Variants in TAF2 observed in about 807,000 individuals in gnomAD.
TAF2 encodes the protein TATA-box binding protein associated factor 2.
A neutral mutation model predicts 138.5 loss-of-function variants in TAF2; 61 were observed. The ratio of observed to expected loss-of-function variants is 0.44; its 90% CI spans 0.36 to 0.54. The LOEUF (loss-of-function observed/expected upper bound fraction) is 0.54. TAF2 is among the 20% of genes least tolerant of loss of function. The pLI is 0.00. For missense variants in TAF2, 1,090 were observed against 1,427.9 expected (o/e 0.76, Z 3.81); for synonymous variants, 475 against 469.9 (o/e 1.01, Z -0.14).
At chr8:119,744,784 G>T (rs1819842214) in intron 23 of TAF2, 1 of 403,456 alleles carries the variant, frequency 2.5e-6, no homozygotes, top group African/African-American at 2.1e-5. Flanking sequence ...TGTTGCGTGT[G>T]TTCCTGCTAA....
At chr8:119,780,603 T>C (rs1287678365) in intron 17 of TAF2, among the ~76,000 whole-genome samples, 1 of 152,012 alleles carries the variant, frequency 6.6e-6, no homozygotes, top group Non-Finnish European at 1.5e-5. Context: ...GATCACAAAA[T>C]CAATAATCAC....
chr8:119,775,430 T>C (rs1275744531), intron 18 of TAF2, among the ~76,000 whole-genome samples: 1 of 151,756 alleles, frequency 6.6e-6, no homozygotes, highest in African/African-American at 2.4e-5. Context: ...CAGCTGGGCA[T>C]GGTGGCTCAC....
At chr8:119,790,750 G>C (rs1322969469) in intron 11 of TAF2, among the ~76,000 whole-genome samples, 2 of 152,000 alleles carry the variant, frequency 1.3e-5, no homozygotes, top group African/African-American at 4.8e-5. Flanking sequence ...ATACAATGCA[G>C]AACACAAATT....
At chr8:119,750,542 C>T (rs1820277663) in intron 22 of TAF2, among the ~76,000 whole-genome samples, 1 of 152,154 alleles carries the variant, frequency 6.6e-6, no homozygotes. Context: ...TTCTGTCCAT[C>T]TTACAATAAA....
At chr8:119,763,945 T>C (rs1821246526) in intron 18 of TAF2, among the ~76,000 whole-genome samples, 1 of 151,812 alleles carries the variant, frequency 6.6e-6, no homozygotes, top group African/African-American at 2.4e-5. Context: ...GGTCAGGAGT[T>C]TGAGACCACC....
At chr8:119,733,778 C>CCA (rs1554635043) in intron 25 of TAF2, among the ~76,000 whole-genome samples, 3 of 143,124 alleles carry the variant, frequency 2.1e-5, no homozygotes, top group African/African-American at 7.5e-5. Flanking sequence ...TCTCTTAAAT[C>CCA]CGCCCCCCCC....
At chr8:119,732,349 C>A (rs1046394317) in intron 25 of TAF2, among the ~76,000 whole-genome samples, 163 bp from the exon 26 acceptor site, 6 of 152,168 alleles carry the variant, frequency 3.9e-5, no homozygotes, top group Non-Finnish European at 8.8e-5. Context: ...ATTAGTTACA[C>A]ACAGAGTTTT....
At chr8:119,780,994 G>A (rs1822609985) in intron 17 of TAF2, 59 bp downstream of exon 17, 1 of 1,461,528 alleles carries the variant, frequency 6.8e-7, no homozygotes, top group Non-Finnish European at 9.4e-7. Context: ...TATTTGAACA[G>A]TCTCCAACTT....
At chr8:119,819,239 C>T (rs1486001876) in intron 3 of TAF2, 107 bp downstream of exon 3, 5 of 1,137,608 alleles carry the variant, frequency 4.4e-6, no homozygotes, top group Non-Finnish European at 6.4e-6. Flanking sequence ...GGATTCAAAG[C>T]CCATTAACGA....
chr8:119,793,481 A>G lies in TAF2; in HGVS notation c.1192-30T>C, dbSNP rs201093965. 315 of 1,545,692 alleles carry G rather than the reference A, an allele frequency of 2.0e-4. 1 individual carries two copies. The African/African-American group carries it at 3.7e-3, about 18-fold the overall frequency. ...AAAATATATAAAAATAGGAGTCAGT[A>G]AAATTTGTAAAGTAACATTTTTTTA... On this transcript the variant is annotated intron_variant, in intron 9 of 25. Transcript: ENST00000378164.
rs1214164387 is a variant in TAF2 at position 119,731,237 on chromosome 8, TTGGATTTGATAGTTC to T, written c.*672_*686del. 9.2e-5 allele frequency: 14 copies of T among 152,218 alleles called. No homozygotes were observed. Among genetic ancestry groups the T allele is most frequent in the African/African-American group, 3.1e-4 (13 of 41,462 alleles). 9.4% of individuals were successfully genotyped at this position (152,218 alleles called of 1,614,324 possible). On this transcript the variant is annotated 3_prime_UTR_variant, in exon 26 of 26. Transcript: ENST00000378164. Reference sequence around the variant, plus strand: ...TAAACATCTTGATTTGAAAATAATTTTGGATTTGATAGTTCTGCTAAATTCCAACATCGTAACCGC... The same window carrying T: ...TAAACATCTTGATTTGAAAATAATTTTGCTAAATTCCAACATCGTAACCGC...
intron 9 of TAF2, 24 bp downstream of exon 9, chr8:119,795,508 G>C: frequency 6.3e-7 from 1 of 1,575,192 alleles, no homozygotes; most frequent in African/African-American, 1.3e-5. Flanking sequence ...CTTGTAAGTG[G>C]ATAAGGGATC....
intron 21 of TAF2, 87 bp from the exon 22 acceptor site, chr8:119,756,202 T>A: frequency 1.2e-6 from 1 of 862,642 alleles, no homozygotes; most frequent in Non-Finnish European, 1.9e-6. Context: ...TGAAAAATTA[T>A]CTGTAGTTCC....
intron 24 of TAF2, among the ~76,000 whole-genome samples, chr8:119,742,926 G>A (rs979980785): frequency 1.4e-4 from 22 of 151,882 alleles, no homozygotes; most frequent in African/African-American, 3.1e-4. Context: ...AAAATTAGCC[G>A]GGCATGGTGG....
chr8:119,734,026 T>C (rs984058525), intron 25 of TAF2, among the ~76,000 whole-genome samples: 9 of 152,178 alleles, frequency 5.9e-5, no homozygotes, highest in Non-Finnish European at 8.8e-5. Flanking sequence ...GACATTTTGT[T>C]ACTGACATCC....
chr8:119,809,436 T>A (rs1385889941), intron 3 of TAF2, among the ~76,000 whole-genome samples: 1 of 152,182 alleles, frequency 6.6e-6, no homozygotes. Context: ...TAAGACTGTT[T>A]CATTTTCTTA....
At chr8:119,747,106 C>T (rs1029479015) in intron 22 of TAF2, among the ~76,000 whole-genome samples, 172 bp from the exon 23 acceptor site, 3 of 152,164 alleles carry the variant, frequency 2.0e-5, no homozygotes, top group Non-Finnish European at 4.4e-5. Flanking sequence ...ATTCCAAAAA[C>T]TGTATTTTTA....
intron 18 of TAF2, among the ~76,000 whole-genome samples, chr8:119,766,497 T>C (rs571053998): frequency 6.6e-6 from 1 of 152,356 alleles, no homozygotes; most frequent in South Asian, 2.1e-4. Context: ...ATGGAAGTTC[T>C]GCTTACCAGT....
At chr8:119,768,467 CTTA>C (rs2131084146) in intron 18 of TAF2, among the ~76,000 whole-genome samples, 1 of 145,722 alleles carries the variant, frequency 6.9e-6, no homozygotes, top group South Asian at 2.1e-4. Context: ...TGAAAAACTC[CTTA>C]TTTTTTCCTC....
Sources: gnomAD v4.1 joint callset for allele counts (sites outside exome capture counted in the v4.1 genomes callset) on GRCh38, gnomAD v4.1.1 for gene constraint, MANE v1.5 for transcripts, NCBI Gene and HGNC (gene_info 2026-07-23, HGNC 2026-07-21) for gene names.